Variants in DCDC1 observed in about 807,000 individuals in gnomAD.
DCDC1 encodes doublecortin domain-containing protein 1.
Under a neutral mutation model 178.3 loss-of-function variants are expected in DCDC1, and 200 were observed. The ratio of observed to expected loss-of-function variants is 1.12; its 90% CI spans 1.00 to 1.26. The LOEUF (loss-of-function observed/expected upper bound fraction) is 1.26, where lower values mean the gene tolerates loss of function less well. Ranked by LOEUF, DCDC1 falls within the 50% of genes most tolerant of loss-of-function variation. DCDC1 has a pLI of 0.00. For synonymous variants in DCDC1, 690 were observed against 604.8 expected (o/e 1.14, Z -2.07); for missense variants, 1,983 against 1,749.2 (o/e 1.13, Z -2.38).
intron 13 of DCDC1, 49 bp downstream of exon 13, chr11:31,106,747 AG>A (rs750773289): frequency 1.3e-6 from 1 of 741,310 alleles, no homozygotes. Flanking sequence ...CTTTCAAATT[AG>A]CTCTCCCCTG....
chr11:31,139,016 T>C (rs1320074605), intron 9 of DCDC1, among the ~76,000 whole-genome samples: 3 of 151,894 alleles, frequency 2.0e-5, no homozygotes, highest in Admixed American at 1.3e-4. Context: ...TCGTAAATAT[T>C]TTAGGCTTTA....
At chr11:30,998,604 T>C (rs1390961623) in intron 20 of DCDC1, among the ~76,000 whole-genome samples, 1 of 152,194 alleles carries the variant, frequency 6.6e-6, no homozygotes, top group African/African-American at 2.4e-5. Context: ...TAGAACATCA[T>C]AGCTATAAAT....
At chr11:31,233,560 C>T (rs2616816) in intron 9 of DCDC1, among the ~76,000 whole-genome samples, 105,720 of 152,054 alleles carry the variant, frequency 0.7, 37,873 homozygotes, top group East Asian at 0.95. Context: ...TTGTAGTCCC[C>T]AAAGATGCCA....
At chr11:31,015,170 G>A (rs1053272104) in intron 20 of DCDC1, among the ~76,000 whole-genome samples, 12 of 151,858 alleles carry the variant, frequency 7.9e-5, no homozygotes, top group East Asian at 1.9e-4. Flanking sequence ...GGGTGGTCTC[G>A]ATCTCCTGAC....
At position 30,992,785 on chromosome 11, in the gene DCDC1, T is replaced by A. The variant is rs989255178; in HGVS notation, c.2592-40217A>T. 4.6e-5 allele frequency: 7 copies of A among 152,196 alleles called. No individual in the cohort carries two copies. The East Asian group carries it at 1.2e-3, about 25-fold the overall frequency. The allele number at this position is 152,196 out of a possible 1,614,324, so 9.4% of individuals were successfully genotyped here. On this transcript the variant is annotated intron_variant, in intron 20 of 38. Coordinates refer to ENST00000684477, the MANE Select transcript of DCDC1 (RefSeq NM_001387274.1). Reference sequence around the variant, plus strand: ...GCTATTTGTAAGACAATGTGTAGTATTTCAGGAAAAGTTACTACTTCCTGA... The same window carrying A: ...GCTATTTGTAAGACAATGTGTAGTAATTCAGGAAAAGTTACTACTTCCTGA...
chr11:31,311,379 G>A (rs1948764827), intron 3 of DCDC1, among the ~76,000 whole-genome samples: 1 of 152,138 alleles, frequency 6.6e-6, no homozygotes, highest in Non-Finnish European at 1.5e-5. Flanking sequence ...GTGGGGACTT[G>A]CATGGCCTGT....
intron 9 of DCDC1, among the ~76,000 whole-genome samples, chr11:31,201,746 A>G (rs1971310850): frequency 6.6e-6 from 1 of 152,148 alleles, no homozygotes; most frequent in African/African-American, 2.4e-5. Context: ...AGATTGTGAA[A>G]TTTGCAAGAG....
intron 3 of DCDC1, among the ~76,000 whole-genome samples, chr11:31,317,795 G>T (rs1264094347): frequency 2.0e-5 from 1 of 49,236 alleles, no homozygotes; most frequent in Non-Finnish European, 3.4e-5. Flanking sequence ...CTGTGGGTTT[G>T]TCATAGATAG....
intron 6 of DCDC1, among the ~76,000 whole-genome samples, chr11:31,291,493 C>T (rs1478971359): frequency 1.3e-5 from 2 of 152,080 alleles, no homozygotes; most frequent in African/African-American, 4.8e-5. Flanking sequence ...TTTTAAAACT[C>T]CCACTAATAT....
chr11:31,151,292 T>G (rs900682756), intron 9 of DCDC1, among the ~76,000 whole-genome samples: 1 of 152,190 alleles, frequency 6.6e-6, no homozygotes, highest in Non-Finnish European at 1.5e-5. Context: ...AGTAACAAAC[T>G]GGCAATTTTT....
At chr11:31,303,865 C>T (rs945273437) in intron 6 of DCDC1, among the ~76,000 whole-genome samples, 6 of 152,080 alleles carry the variant, frequency 3.9e-5, no homozygotes, top group African/African-American at 1.2e-4. Context: ...CAACAACTGT[C>T]GAGCAGCATA....
chr11:31,084,072 T>C (rs952701336), intron 17 of DCDC1, among the ~76,000 whole-genome samples: 8 of 152,210 alleles, frequency 5.3e-5, no homozygotes, highest in Admixed American at 4.6e-4. Context: ...GATGCACAGA[T>C]AGAAAAATAT....
At chr11:31,293,636 G>C (rs1229976061) in intron 6 of DCDC1, among the ~76,000 whole-genome samples, 1 of 152,130 alleles carries the variant, frequency 6.6e-6, no homozygotes, top group Non-Finnish European at 1.5e-5. Context: ...TAAATTCCAT[G>C]AAAAACAGTA....
intron 6 of DCDC1, among the ~76,000 whole-genome samples, chr11:31,294,843 AAAGAAAG>A (rs1335571738): frequency 7.3e-5 from 11 of 150,810 alleles, no homozygotes; most frequent in African/African-American, 2.5e-4. Context: ...AGAAAGAAAG[AAAGAAAG>A]AAAGAAAGAA....
Position 30,947,432 on chromosome 11 carries a change from G to T in DCDC1, c.2715+5013C>A, listed in dbSNP as rs546601207. 5.9e-5 allele frequency among the ~76,000 whole-genome samples: 9 copies of T among 152,188 alleles called. No homozygotes were observed. The East Asian group carries it at 1.7e-3, about 29-fold the overall frequency. On this transcript the variant is annotated intron_variant, in intron 21 of 38. Transcript: ENST00000684477. ...ACACATTTACAGTGAACTCATTTTTGTCAAATATGCTAAGAACATACCATG... is the reference window on the plus strand; with the variant it reads ...ACACATTTACAGTGAACTCATTTTTTTCAAATATGCTAAGAACATACCATG...
chr11:30,920,883 CA>C lies in DCDC1; in HGVS notation c.3185del (p.Val1062GlyfsTer5). 1.9e-6 allele frequency: 3 copies of C among 1,613,164 alleles called. No homozygotes were observed. The highest frequency in any genetic ancestry group is 2.5e-6 in the Non-Finnish European group (3 of 1,179,510). On this transcript the variant is annotated frameshift_variant, in exon 25 of 39. Coordinates refer to ENST00000684477, the MANE Select transcript of DCDC1 (RefSeq NM_001387274.1). LOFTEE classifies it high-confidence loss of function. ...CTCCAAAAATTGCTACAGGTTTATGCACAGCAAGCTTGCTTCCAGATACAAT... is the reference window on the plus strand; with the variant it reads ...CTCCAAAAATTGCTACAGGTTTATGCCAGCAAGCTTGCTTCCAGATACAAT... ...SDIVSGSKLA[V>X]HKPVAIFGEE... is the part of the protein sequence containing the mutation.
chr11:30,873,101 G>C (rs200853068), intron 38 of DCDC1, among the ~76,000 whole-genome samples: 4 of 145,866 alleles, frequency 2.7e-5, no homozygotes, highest in East Asian at 2.0e-4. Flanking sequence ...GTCTCTCTCT[G>C]TCTCTCTCTC....
At chr11:31,065,444 ATTGAG>A (rs1247538121) in intron 18 of DCDC1, among the ~76,000 whole-genome samples, 2 of 152,188 alleles carry the variant, frequency 1.3e-5, no homozygotes, top group African/African-American at 4.8e-5. Context: ...AGCTAAATTT[ATTGAG>A]TTATTTCTAG....
At chr11:31,281,739 T>G (rs986321966) in intron 7 of DCDC1, among the ~76,000 whole-genome samples, 1 of 152,160 alleles carries the variant, frequency 6.6e-6, no homozygotes, top group Non-Finnish European at 1.5e-5. Context: ...CCTGATGGTT[T>G]GATAAGGGGA....
Sources: allele counts gnomAD v4.1 joint callset (sites outside exome capture counted in the v4.1 genomes callset), GRCh38; gene constraint gnomAD v4.1.1; transcripts MANE v1.5; gene names NCBI Gene and HGNC (gene_info 2026-07-23, HGNC 2026-07-21).